The following SBSPON variants were observed in gnomAD, a reference collection of about 807,000 sequenced individuals.
SBSPON encodes somatomedin-B and thrombospondin type-1 domain-containing protein.
In SBSPON, 30 loss-of-function variants were observed where a neutral mutation model predicts 35.8. That is an observed-to-expected ratio of 0.84 (90% CI 0.63 to 1.14). The LOEUF is 1.14. Ranked by LOEUF, SBSPON falls within the 50% of genes most tolerant of loss-of-function variation. SBSPON has a pLI of 0.00. For missense variants in SBSPON, 364 were observed against 357.7 expected (o/e 1.02, Z -0.14); for synonymous variants, 136 against 135.9 (o/e 1.00, Z 0.00).
chr8:73,070,179 CAAAG>C (rs919428629), intron 3 of SBSPON, among the ~76,000 whole-genome samples, 198 bp from the exon 4 acceptor site: 28 of 152,270 alleles, frequency 1.8e-4, no homozygotes, highest in African/African-American at 6.7e-4. Context: ...CTGATAATCA[CAAAG>C]AACCTTTGTG....
intron 2 of SBSPON, among the ~76,000 whole-genome samples, chr8:73,078,574 C>A (rs58117682): frequency 7.2e-5 from 11 of 152,238 alleles, no homozygotes; most frequent in African/African-American, 2.6e-4. Flanking sequence ...GCTGAAGGAA[C>A]CCTCTAGCAG....
At chr8:73,083,426 C>G (rs965130446) in intron 1 of SBSPON, among the ~76,000 whole-genome samples, 10 of 152,184 alleles carry the variant, frequency 6.6e-5, no homozygotes, top group Admixed American at 2.0e-4. Context: ...AGTATTTATT[C>G]CTATACTGCA....
At chr8:73,091,250 G>A (rs1810926930) in intron 1 of SBSPON, among the ~76,000 whole-genome samples, 1 of 152,210 alleles carries the variant, frequency 6.6e-6, no homozygotes, top group Non-Finnish European at 1.5e-5. Flanking sequence ...CCAGGCCCAG[G>A]CTCGCCCATT....
At chr8:73,088,733 T>C (rs1269328613) in intron 1 of SBSPON, among the ~76,000 whole-genome samples, 1 of 152,168 alleles carries the variant, frequency 6.6e-6, no homozygotes, top group Non-Finnish European at 1.5e-5. Context: ...AGAATGGTTC[T>C]ATGAGTATAG....
intron 1 of SBSPON, among the ~76,000 whole-genome samples, chr8:73,090,723 T>C (rs57690417): frequency 0.016 from 2,382 of 152,334 alleles, 40 homozygotes; most frequent in African/African-American, 0.054. Context: ...CCACAGGGTA[T>C]TGAGGGCTTC....
intron 2 of SBSPON, among the ~76,000 whole-genome samples, chr8:73,080,187 G>A (rs1241328957): frequency 6.6e-6 from 1 of 152,088 alleles, no homozygotes; most frequent in Non-Finnish European, 1.5e-5. Flanking sequence ...ATCCAGTCTT[G>A]AGAGGAGGGG....
intron 2 of SBSPON, chr8:73,075,656 C>T (rs1266918920): frequency 4.3e-6 from 1 of 229,972 alleles, no homozygotes; most frequent in African/African-American, 2.3e-5. Context: ...TTACTTTGAA[C>T]ATGAAAGTAA....
chr8:73,067,485 T>C, intron 4 of SBSPON, 27 bp from the exon 5 acceptor site: 1 of 1,370,616 alleles, frequency 7.3e-7, no homozygotes, highest in African/African-American at 1.5e-5. Flanking sequence ...AAAGTGTTAG[T>C]TACACTAAAA....
At position 73,066,189 on chromosome 8, in the gene SBSPON, T is replaced by G. The variant is rs1563484338; in HGVS notation, c.*1152A>C. 1 of 152,188 alleles carries G rather than the reference T, an allele frequency of 6.6e-6. No individual in the cohort carries two copies. Among genetic ancestry groups the G allele is most frequent in the Non-Finnish European group, 1.5e-5 (1 of 68,026 alleles). The allele number at this position is 152,188 out of a possible 1,614,324, so 9.4% of individuals were successfully genotyped here. A position where few individuals can be genotyped will look rare whatever the true frequency, so the allele number is the denominator to read the frequency against. On this transcript the variant is annotated 3_prime_UTR_variant, in exon 5 of 5. Transcript: ENST00000297354. The stretch of plus-strand genomic sequence containing the variant: ...ATTCTCTAAACTAAATATCTTGAAT[T>G]TAAAATTTACTTCACAAATGAAAGG...
rs190950818 is a variant in SBSPON, at chr8:73,076,038, C to T, written c.410-4168G>A. 3.1e-3 allele frequency among the ~76,000 whole-genome samples: 471 copies of T among 152,288 alleles called. 1 individual carries two copies. Among genetic ancestry groups the T allele is most frequent in the South Asian group, 5.8e-3 (28 of 4,824 alleles). On this transcript the variant is annotated intron_variant, in intron 2 of 4. Transcript: ENST00000297354. The stretch of plus-strand genomic sequence containing the variant: ...ACTAGCTTCACGGGCATTTATATTT[C>T]TACTTAGTTACAAGAATCTGTAATT...
At chr8:73,074,790 C>T (rs560185515) in intron 2 of SBSPON, among the ~76,000 whole-genome samples, 36 of 152,362 alleles carry the variant, frequency 2.4e-4, no homozygotes, top group African/African-American at 7.9e-4. Context: ...CCAGGGAGGG[C>T]ACACAGTGGG....
chr8:73,067,857 T>A (rs1202441498), intron 4 of SBSPON, among the ~76,000 whole-genome samples: 1 of 150,802 alleles, frequency 6.6e-6, no homozygotes, highest in Non-Finnish European at 1.5e-5. Flanking sequence ...CAATTTTTTT[T>A]TTAATGATCA....
rs139535964 is a variant in SBSPON, at chr8:73,071,278, T to TA, written c.500+501dup. On this transcript the variant is annotated intron_variant, in intron 3 of 4. Transcript: ENST00000297354. ...AGGTGGAACAAGTTGTTCAAGGTCT[T>TA]ATGCTAGTGAGGGCAGTGTGGGGAC... Among the ~76,000 whole-genome samples, 584 of 152,348 alleles carry TA rather than the reference T, an allele frequency of 3.8e-3. 2 individuals carry two copies. The highest frequency in any genetic ancestry group is 6.8e-3 in the Middle Eastern group (2 of 294).
intron 1 of SBSPON, among the ~76,000 whole-genome samples, chr8:73,082,196 T>C (rs549805953): frequency 6.6e-6 from 1 of 152,240 alleles, no homozygotes; most frequent in African/African-American, 2.4e-5. Flanking sequence ...AACTTTCTCA[T>C]TGAAAGTTTT....
At chr8:73,072,681 G>T (rs544943515) in intron 2 of SBSPON, among the ~76,000 whole-genome samples, 2 of 152,208 alleles carry the variant, frequency 1.3e-5, no homozygotes, top group East Asian at 3.9e-4. Context: ...AAAGAAAAAG[G>T]CAGAAGAAGC....
intron 1 of SBSPON, among the ~76,000 whole-genome samples, chr8:73,082,171 T>C (rs1810719484): frequency 6.6e-6 from 1 of 152,242 alleles, no homozygotes; most frequent in Admixed American, 6.5e-5. Flanking sequence ...ATAAAATCAA[T>C]ATGGCGTCAC....
chr8:73,075,650 T>C (rs1452453834), intron 2 of SBSPON: 1 of 216,262 alleles, frequency 4.6e-6, no homozygotes, highest in East Asian at 1.8e-4. Context: ...ATATACTTAC[T>C]TTGAACATGA....
chr8:73,075,760 A>T (rs915779852), intron 2 of SBSPON: 1 of 950,658 alleles, frequency 1.1e-6, no homozygotes, highest in Admixed American at 6.2e-5. Context: ...TACAGAAGAG[A>T]GTAAAATGAA....
chr8:73,069,075 T>C (rs1232813210), intron 4 of SBSPON, among the ~76,000 whole-genome samples: 1 of 152,162 alleles, frequency 6.6e-6, no homozygotes, highest in African/African-American at 2.4e-5. Context: ...TCTGGCCCTT[T>C]ACAGAAAAGG....
Sources: gnomAD v4.1 joint callset for allele counts (sites outside exome capture counted in the v4.1 genomes callset) on GRCh38, gnomAD v4.1.1 for gene constraint, MANE v1.5 for transcripts, NCBI Gene and HGNC (gene_info 2026-07-23, HGNC 2026-07-21) for gene names.